The following ALCAM variants were observed in gnomAD, a reference collection of about 807,000 sequenced individuals.
ALCAM encodes the protein CD166 antigen.
A neutral mutation model predicts 70.9 loss-of-function variants in ALCAM; 30 were observed. The observed-to-expected ratio is 0.42, with a 90% CI of 0.32 to 0.57. ALCAM has a LOEUF of 0.57. Ranked by LOEUF, ALCAM falls within the 20% of genes least tolerant of loss-of-function variation. The pLI is 0.11. For synonymous variants in ALCAM, 249 were observed against 242.5 expected (o/e 1.03, Z -0.25); for missense variants, 591 against 695.1 (o/e 0.85, Z 1.68).
chr3:105,382,755 T>G (rs1160283217), intron 1 of ALCAM, among the ~76,000 whole-genome samples: 1 of 152,060 alleles, frequency 6.6e-6, no homozygotes, highest in Non-Finnish European at 1.5e-5. Context: ...GAACTGTCTG[T>G]TCATATCCTT....
intron 1 of ALCAM, among the ~76,000 whole-genome samples, chr3:105,512,611 AGT>A (rs1266523578): frequency 1.3e-5 from 2 of 151,964 alleles, no homozygotes; most frequent in Non-Finnish European, 2.9e-5. Flanking sequence ...TTCAAATATA[AGT>A]TTCTACATCT....
intron 1 of ALCAM, among the ~76,000 whole-genome samples, chr3:105,397,557 T>C (rs567282328): frequency 6.6e-6 from 1 of 152,044 alleles, no homozygotes; most frequent in South Asian, 2.1e-4. Flanking sequence ...AATATATTCA[T>C]GAATAGGTAG....
chr3:105,514,532 A>T (rs988668691), intron 1 of ALCAM, among the ~76,000 whole-genome samples: 7 of 152,000 alleles, frequency 4.6e-5, no homozygotes, highest in African/African-American at 1.7e-4. Context: ...TTGTTTGTGT[A>T]ATTCTTTTCT....
rs1217192837 is a variant in ALCAM, at chr3:105,547,210, A to G, written c.1166A>G (p.Asn389Ser). 1.9e-6 allele frequency: 3 copies of G among 1,608,780 alleles called. No individual in the cohort carries two copies. The Admixed American group carries it at 5.0e-5, about 27-fold the overall frequency. ...AGTCTTCATTATCAGGATGCTGGAAACTATGTCTGCGAAACTGCTCTGCAG... is the reference window on the plus strand; with the variant it reads ...AGTCTTCATTATCAGGATGCTGGAAGCTATGTCTGCGAAACTGCTCTGCAG... Reference protein sequence around the residue: ...FSSLHYQDAGNYVCETALQEV... With the variant: ...FSSLHYQDAGSYVCETALQEV... The change falls in exon 10 of 16, where the codon AAC (asparagine) becomes AGC (serine). Residue 389 changes from asparagine to serine, a missense_variant. Physicochemically the swap from Asn to Ser is conservative, Grantham distance 46. Around this residue, in one of 2 missense-constraint regions of ALCAM, gnomAD observed 164 missense variants for 244.7 expected, o/e 0.67. Coordinates refer to ENST00000306107, the MANE Select transcript of ALCAM (RefSeq NM_001627.4).
intron 12 of ALCAM, 34 bp from the exon 13 acceptor site, chr3:105,552,110 G>T: frequency 2.6e-6 from 4 of 1,539,620 alleles, no homozygotes; most frequent in Non-Finnish European, 3.5e-6. Context: ...AACAAATTTT[G>T]TTTTTAATTT....
intron 1 of ALCAM, among the ~76,000 whole-genome samples, chr3:105,432,246 G>A (rs1401046587): frequency 6.6e-6 from 1 of 152,022 alleles, no homozygotes; most frequent in Non-Finnish European, 1.5e-5. Context: ...AAGAATTCAT[G>A]CATATCAAAT....
intron 1 of ALCAM, among the ~76,000 whole-genome samples, chr3:105,404,309 G>A (rs1300821616): frequency 2.0e-5 from 3 of 152,026 alleles, no homozygotes; most frequent in Non-Finnish European, 4.4e-5. Context: ...CAAGACAAAA[G>A]AAAGAATCTT....
rs1040411475 is a variant in ALCAM at position 105,393,180 on chromosome 3, A to G, written c.73+25699A>G. Reference sequence around the variant, plus strand: ...GAAATTAAAATGATCTTTCATTTTTATTGCCATTCTTATATTAGTCTATGT... The same window carrying G: ...GAAATTAAAATGATCTTTCATTTTTGTTGCCATTCTTATATTAGTCTATGT... On this transcript the variant is annotated intron_variant, in intron 1 of 15. Transcript: ENST00000306107. Among the ~76,000 whole-genome samples, 4 of 151,736 alleles carry G rather than the reference A, an allele frequency of 2.6e-5. No homozygotes were observed. In the East Asian group the frequency reaches 5.8e-4, roughly 22 times the overall value.
chr3:105,503,432 A>G (rs1360639305), intron 1 of ALCAM, among the ~76,000 whole-genome samples: 1 of 152,188 alleles, frequency 6.6e-6, no homozygotes, highest in Non-Finnish European at 1.5e-5. Context: ...ACTGAGGCTC[A>G]TATCGATTCT....
At chr3:105,446,548 G>A (rs181926001) in intron 1 of ALCAM, among the ~76,000 whole-genome samples, 176 of 151,366 alleles carry the variant, frequency 1.2e-3, no homozygotes, top group African/African-American at 4.2e-3. Context: ...ATTCATAATA[G>A]CCATGATATG....
chr3:105,505,629 G>C (rs1042508917), intron 1 of ALCAM, among the ~76,000 whole-genome samples: 19 of 152,090 alleles, frequency 1.2e-4, no homozygotes, highest in Admixed American at 4.6e-4. Flanking sequence ...ACGAATCAGA[G>C]CCTTTTAGAT....
intron 6 of ALCAM, among the ~76,000 whole-genome samples, chr3:105,535,801 C>T (rs891503051): frequency 6.6e-6 from 1 of 151,942 alleles, no homozygotes; most frequent in Admixed American, 6.6e-5. Flanking sequence ...GGCATGTGTT[C>T]TACAGTAACC....
chr3:105,514,075 A>G (rs556536924), intron 1 of ALCAM, among the ~76,000 whole-genome samples: 2 of 151,986 alleles, frequency 1.3e-5, no homozygotes, highest in East Asian at 1.9e-4. Flanking sequence ...GCTTTTACCA[A>G]TATCCTCAAT....
chr3:105,522,864 G>A (rs1939581444), intron 2 of ALCAM, among the ~76,000 whole-genome samples: 2 of 152,118 alleles, frequency 1.3e-5, no homozygotes, highest in Admixed American at 1.3e-4. Flanking sequence ...AGAAGGCCGG[G>A]CACGGTGGCT....
In ALCAM at chr3:105,566,660, C is replaced by T. The variant is rs75295113; in HGVS notation, c.1665-5192C>T. 4.2e-4 allele frequency among the ~76,000 whole-genome samples: 64 copies of T among 152,266 alleles called. No homozygotes were observed. In the East Asian group the frequency reaches 0.012, roughly 28 times the overall value. Reference sequence around the variant, plus strand: ...CAATAAGAACTCAAAACAATCTACTCATGTTAAAAATCTAAGATTTTTGAA... The same window carrying T: ...CAATAAGAACTCAAAACAATCTACTTATGTTAAAAATCTAAGATTTTTGAA... On this transcript the variant is annotated intron_variant, in intron 14 of 15. Transcript: ENST00000306107.
chr3:105,485,681 C>A (rs553210095), intron 1 of ALCAM, among the ~76,000 whole-genome samples: 2 of 151,850 alleles, frequency 1.3e-5, no homozygotes, highest in African/African-American at 2.4e-5. Flanking sequence ...TTACATACTT[C>A]GGTTTTAGAT....
chr3:105,378,149 C>T (rs1935423367), intron 1 of ALCAM, among the ~76,000 whole-genome samples: 1 of 150,274 alleles, frequency 6.7e-6, no homozygotes, highest in African/African-American at 2.5e-5. Context: ...ATATTTTTCA[C>T]CTGTAATTTT....
At chr3:105,549,300 C>G (rs1321388058) in intron 11 of ALCAM, among the ~76,000 whole-genome samples, 1 of 151,288 alleles carries the variant, frequency 6.6e-6, no homozygotes, top group Non-Finnish European at 1.5e-5. Flanking sequence ...TAGAAGATGT[C>G]TCTGCCCCTC....
chr3:105,532,727 A>C (rs1193141865), intron 4 of ALCAM, among the ~76,000 whole-genome samples: 1 of 152,198 alleles, frequency 6.6e-6, no homozygotes, highest in Non-Finnish European at 1.5e-5. Flanking sequence ...TGTTTGGGAA[A>C]CAGCAAATTT....
Sources: allele counts gnomAD v4.1 joint callset (sites outside exome capture counted in the v4.1 genomes callset), GRCh38; gene constraint gnomAD v4.1.1; regional missense constraint gnomAD v4.1.1; transcripts MANE v1.5; gene names NCBI Gene and HGNC (gene_info 2026-07-23, HGNC 2026-07-21).